MCC: variants seen among roughly 807,000 people sequenced by gnomAD.
The protein encoded by MCC is MCC regulator of Wnt signaling pathway, also known as colorectal mutant cancer protein.
Under a neutral mutation model 116.2 loss-of-function variants are expected in MCC, and 90 were observed. The ratio of observed to expected loss-of-function variants is 0.77; its 90% CI spans 0.65 to 0.92. MCC has a LOEUF of 0.92. MCC is among the 40% of genes least tolerant of loss of function. The pLI is 0.00. For missense variants in MCC, 1,516 were observed against 1,312.2 expected (o/e 1.16, Z -2.40); for synonymous variants, 578 against 510.5 (o/e 1.13, Z -1.78).
chr5:113,487,506 AG>A (rs1772566486), intron 1 of MCC, among the ~76,000 whole-genome samples: 1 of 152,234 alleles, frequency 6.6e-6, no homozygotes. Context: ...CCGCCTCTGT[AG>A]GAAGTGCGGG....
At chr5:113,191,333 T>C (rs185620763) in intron 3 of MCC, among the ~76,000 whole-genome samples, 4 of 152,280 alleles carry the variant, frequency 2.6e-5, no homozygotes, top group South Asian at 4.1e-4. Flanking sequence ...TATCTCTTCA[T>C]AGGAATAAGA....
chr5:113,058,674 C>G (rs903130571), intron 14 of MCC, among the ~76,000 whole-genome samples: 1 of 152,200 alleles, frequency 6.6e-6, no homozygotes, highest in Non-Finnish European at 1.5e-5. Flanking sequence ...AATGTTCCTC[C>G]TCTGCCACTT....
intron 18 of MCC, among the ~76,000 whole-genome samples, chr5:113,028,663 A>AG (rs1424435009): frequency 6.6e-6 from 1 of 152,224 alleles, no homozygotes; most frequent in African/African-American, 2.4e-5. Flanking sequence ...TTTAAGATAC[A>AG]TAATACCAGG....
intron 3 of MCC, among the ~76,000 whole-genome samples, chr5:113,173,877 C>A (rs1157098097): frequency 6.6e-6 from 1 of 152,124 alleles, no homozygotes; most frequent in Admixed American, 6.6e-5. Context: ...TGTAACTCAG[C>A]AAAGGTCTAA....
intron 3 of MCC, among the ~76,000 whole-genome samples, chr5:113,290,740 A>G (rs1424321816): frequency 6.6e-6 from 1 of 152,212 alleles, no homozygotes; most frequent in Non-Finnish European, 1.5e-5. Context: ...TTTCGGGAGA[A>G]TTTAATGCTG....
At chr5:113,464,269 A>G (rs893590742) in intron 1 of MCC, among the ~76,000 whole-genome samples, 6 of 152,180 alleles carry the variant, frequency 3.9e-5, no homozygotes, top group African/African-American at 1.2e-4. Flanking sequence ...AGTCCTCACA[A>G]TAATCTGCAA....
At chr5:113,048,028 A>G (rs1197512960) in intron 16 of MCC, among the ~76,000 whole-genome samples, 3 of 152,224 alleles carry the variant, frequency 2.0e-5, no homozygotes, top group African/African-American at 7.2e-5. Context: ...GAGGAAATGC[A>G]GTGGAGAGAA....
At chr5:113,089,760 T>C (rs1755466674) in intron 8 of MCC, among the ~76,000 whole-genome samples, 1 of 152,224 alleles carries the variant, frequency 6.6e-6, no homozygotes, top group Non-Finnish European at 1.5e-5. Context: ...TAGTAGCTAC[T>C]GTACCCATCA....
intron 3 of MCC, among the ~76,000 whole-genome samples, chr5:113,243,938 C>A (rs1407090133): frequency 6.6e-6 from 1 of 152,202 alleles, no homozygotes; most frequent in East Asian, 1.9e-4. Flanking sequence ...CCGGCTTGAG[C>A]CAGATTCAAA....
intron 1 of MCC, among the ~76,000 whole-genome samples, chr5:113,471,277 T>G (rs1432929681): frequency 6.6e-6 from 1 of 152,236 alleles, no homozygotes; most frequent in East Asian, 1.9e-4. Flanking sequence ...CCAGTTTTTC[T>G]GCTCTGTTTT....
intron 17 of MCC, among the ~76,000 whole-genome samples, chr5:113,033,024 T>C (rs569911431): frequency 4.6e-5 from 7 of 152,372 alleles, no homozygotes; most frequent in South Asian, 4.1e-4. Flanking sequence ...GGCTGCTCTA[T>C]GGAGTAGCCA....
chr5:113,466,164 A>T (rs446272), intron 1 of MCC, among the ~76,000 whole-genome samples: 2 of 151,378 alleles, frequency 1.3e-5, no homozygotes, highest in African/African-American at 4.9e-5. Flanking sequence ...GAAGTTGAGT[A>T]GCCATTCTTT....
At chr5:113,178,200 C>A (rs991552931) in intron 3 of MCC, among the ~76,000 whole-genome samples, 1 of 152,190 alleles carries the variant, frequency 6.6e-6, no homozygotes, top group African/African-American at 2.4e-5. Flanking sequence ...TGGAGTCACT[C>A]TTGTCACTTA....
At position 113,053,935 on chromosome 5, in the gene MCC, A is replaced by G; in HGVS notation, c.2238T>C (p.Ser746=). 1.2e-6 allele frequency: 2 copies of G among 1,613,220 alleles called. No individual in the cohort carries two copies. The highest frequency in any genetic ancestry group is 8.5e-7 in the Non-Finnish European group (1 of 1,179,324). The change falls in exon 15 of 19, where the codon AGT becomes AGC. Residue 746 remains serine (S), a synonymous_variant. Coordinates refer to ENST00000408903, the MANE Select transcript of MCC (RefSeq NM_001085377.2). The part of the protein sequence containing the change: ...HTSTTSSTAS[S]CDTEFTKEDE... ...CTTCTTTAGTGAACTCGGTGTCGCA[A>G]CTACTGGCTGTGGAGCTGGTTGTGC...
intron 3 of MCC, among the ~76,000 whole-genome samples, chr5:113,186,092 T>C (rs1204637628): frequency 1.1e-4 from 17 of 152,194 alleles, no homozygotes; most frequent in Non-Finnish European, 1.5e-4. Context: ...GAGCTGCTGC[T>C]GAGGCAGCAT....
intron 13 of MCC, among the ~76,000 whole-genome samples, chr5:113,066,656 T>C (rs367912390): frequency 6.6e-6 from 1 of 152,116 alleles, no homozygotes; most frequent in Non-Finnish European, 1.5e-5. Flanking sequence ...AGGAAACACA[T>C]GTGAGTGTTC....
chr5:113,415,778 T>A (rs7734576), intron 1 of MCC, among the ~76,000 whole-genome samples: 26,056 of 152,180 alleles, frequency 0.17, 2,455 homozygotes, highest in Non-Finnish European at 0.22. Context: ...TGTCAGCTTG[T>A]CAAAGTCATT....
chr5:113,027,775 G>T lies in MCC; in HGVS notation c.2880-293C>A, dbSNP rs1314001419. 2.6e-5 allele frequency among the ~76,000 whole-genome samples: 4 copies of T among 152,188 alleles called. No individual in the cohort carries two copies. In the East Asian group the frequency reaches 7.7e-4, roughly 29 times the overall value. ...AAGAGTCAAACCAGCAATCCAAATT[G>T]GCCCAGTCCAAAACGGATAAATACA... On this transcript the variant is annotated intron_variant, in intron 18 of 18. Transcript: ENST00000408903.
chr5:113,147,945 A>G (rs2150289340), intron 4 of MCC, among the ~76,000 whole-genome samples: 1 of 152,372 alleles, frequency 6.6e-6, no homozygotes, highest in East Asian at 1.9e-4. Context: ...GCCAAGAGGT[A>G]GAAAATTCAG....
Sources: allele counts gnomAD v4.1 joint callset (sites outside exome capture counted in the v4.1 genomes callset), GRCh38; gene constraint gnomAD v4.1.1; transcripts MANE v1.5; gene names NCBI Gene and HGNC (gene_info 2026-07-23, HGNC 2026-07-21).